PCDH7: variants seen among roughly 807,000 people sequenced by gnomAD.
PCDH7 encodes protocadherin-7.
A neutral mutation model predicts 58.9 loss-of-function variants in PCDH7; 17 were observed. The ratio of observed to expected loss-of-function variants is 0.29; its 90% CI spans 0.20 to 0.43. The LOEUF is 0.43. Ranked by LOEUF, PCDH7 falls within the 20% of genes least tolerant of loss-of-function variation. PCDH7 has a pLI of 1.00. For missense variants in PCDH7, 1,274 were observed against 1,441.0 expected (o/e 0.88, Z 1.88); for synonymous variants, 664 against 616.4 (o/e 1.08, Z -1.14).
At chr4:30,823,961 C>T (rs971472725) in intron 1 of PCDH7, among the ~76,000 whole-genome samples, 1 of 152,042 alleles carries the variant, frequency 6.6e-6, no homozygotes, top group African/African-American at 2.4e-5. Context: ...GAATAAAGAA[C>T]CCAGAATCTG....
chr4:30,919,134 C>T (rs1056411105), intron 1 of PCDH7, among the ~76,000 whole-genome samples: 1 of 152,100 alleles, frequency 6.6e-6, no homozygotes, highest in African/African-American at 2.4e-5. Context: ...ATGTACACTT[C>T]TGACATTTTC....
intron 1 of PCDH7, among the ~76,000 whole-genome samples, chr4:30,836,241 A>T (rs1031557706): frequency 6.6e-6 from 1 of 152,222 alleles, no homozygotes; most frequent in Non-Finnish European, 1.5e-5. Flanking sequence ...AATAAACAAG[A>T]TAAATAAGAT....
chr4:30,951,441 A>G (rs1578397621), intron 3 of PCDH7, among the ~76,000 whole-genome samples: 1 of 152,166 alleles, frequency 6.6e-6, no homozygotes, highest in Middle Eastern at 3.4e-3. Flanking sequence ...ACTTCTACCC[A>G]TATTCCTTGC....
At chr4:31,094,482 G>A (rs1012742351) in intron 3 of PCDH7, among the ~76,000 whole-genome samples, 3 of 152,132 alleles carry the variant, frequency 2.0e-5, no homozygotes, top group African/African-American at 7.2e-5. Context: ...TGGATTGTAA[G>A]GAGAAATGTT....
rs571879673 is a variant in PCDH7, at chr4:31,012,528, A to G, written c.*7+62313A>G. Reference sequence around the variant, plus strand: ...AAGGTACTCAATACATTTTGTACCAATGAGGCATAAAAATCTACATTTTAT... The same window carrying G: ...AAGGTACTCAATACATTTTGTACCAGTGAGGCATAAAAATCTACATTTTAT... On this transcript the variant is annotated intron_variant, in intron 3 of 3. Coordinates refer to the PCDH7 transcript ENST00000509759. Among the ~76,000 whole-genome samples the G allele has an allele frequency of 1.0e-3, 158 of 150,666 alleles. 1 individual carries two copies. The highest frequency in any genetic ancestry group is 3.6e-3 in the African/African-American group (148 of 41,454).
chr4:30,917,582 T>G (rs1742637834), intron 1 of PCDH7, among the ~76,000 whole-genome samples: 1 of 151,918 alleles, frequency 6.6e-6, no homozygotes, highest in African/African-American at 2.4e-5. Context: ...AAGAAAGAAT[T>G]GATGGATCTA....
chr4:30,920,976 T>C (rs1014416679), intron 2 of PCDH7, among the ~76,000 whole-genome samples: 1 of 152,100 alleles, frequency 6.6e-6, no homozygotes, highest in Non-Finnish European at 1.5e-5. Flanking sequence ...GGAAGGAAAA[T>C]AAATCATAAT....
At chr4:31,003,189 ATT>A (rs1258702534) in intron 3 of PCDH7, among the ~76,000 whole-genome samples, 1 of 152,048 alleles carries the variant, frequency 6.6e-6, no homozygotes, top group Non-Finnish European at 1.5e-5. Context: ...GCATACTTTC[ATT>A]TAAATATGTA....
intron 3 of PCDH7, among the ~76,000 whole-genome samples, chr4:30,998,088 T>C (rs184389230): frequency 6.6e-6 from 1 of 152,302 alleles, no homozygotes; most frequent in Admixed American, 6.5e-5. Context: ...GAATATGACT[T>C]TTGAAATAGA....
At chr4:30,961,500 C>T (rs924285445) in intron 3 of PCDH7, among the ~76,000 whole-genome samples, 2 of 151,532 alleles carry the variant, frequency 1.3e-5, no homozygotes, top group Non-Finnish European at 2.9e-5. Flanking sequence ...TGCAGTGAGC[C>T]GAGATCGTGC....
At chr4:30,763,651 GT>G (rs913043196) in intron 1 of PCDH7, among the ~76,000 whole-genome samples, 14 of 152,208 alleles carry the variant, frequency 9.2e-5, no homozygotes, top group African/African-American at 2.9e-4. Flanking sequence ...TTCAGGATCC[GT>G]TTTGTTTTTG....
chr4:31,020,942 A>ATT (rs1221749929), intron 3 of PCDH7, among the ~76,000 whole-genome samples: 1 of 152,078 alleles, frequency 6.6e-6, no homozygotes. Context: ...CGTTTTCTTT[A>ATT]TTTTGCCTTC....
chr4:30,857,815 T>C (rs953128045), intron 1 of PCDH7, among the ~76,000 whole-genome samples: 1 of 152,186 alleles, frequency 6.6e-6, no homozygotes, highest in Non-Finnish European at 1.5e-5. Context: ...TCGTTTCTCC[T>C]TTGTTTATGT....
intron 1 of PCDH7, among the ~76,000 whole-genome samples, chr4:30,768,823 C>T (rs1379832730): frequency 6.6e-6 from 1 of 152,112 alleles, no homozygotes; most frequent in African/African-American, 2.4e-5. Context: ...AAGTAAGGAC[C>T]AACAGATGAT....
At chr4:30,788,314 A>G (rs372490845) in intron 1 of PCDH7, among the ~76,000 whole-genome samples, 2 of 152,228 alleles carry the variant, frequency 1.3e-5, no homozygotes, top group South Asian at 2.1e-4. Flanking sequence ...ATGTGCCATA[A>G]TAATTTTGAA....
intron 1 of PCDH7, among the ~76,000 whole-genome samples, chr4:30,915,124 T>C (rs1250842933): frequency 6.6e-6 from 1 of 152,204 alleles, no homozygotes; most frequent in African/African-American, 2.4e-5. Context: ...CAAATGTTTA[T>C]TTTAAAGCAA....
intron 1 of PCDH7, among the ~76,000 whole-genome samples, chr4:30,797,106 G>A (rs1186434203): frequency 4.0e-5 from 6 of 151,874 alleles, no homozygotes; most frequent in East Asian, 1.9e-4. Context: ...GACTACAGGC[G>A]CATGCCACCA....
At chr4:31,019,882 G>A (rs1195384261) in intron 3 of PCDH7, among the ~76,000 whole-genome samples, 2 of 151,950 alleles carry the variant, frequency 1.3e-5, no homozygotes, top group Admixed American at 6.6e-5. Context: ...TATGCTAGGA[G>A]TGGGGAGCTG....
At chr4:30,830,595 T>C (rs982289938) in intron 1 of PCDH7, among the ~76,000 whole-genome samples, 9 of 152,116 alleles carry the variant, frequency 5.9e-5, no homozygotes, top group African/African-American at 2.2e-4. Context: ...TTTCTTCATT[T>C]ATCTTGACTC....
Sources: gnomAD v4.1 joint callset for allele counts (sites outside exome capture counted in the v4.1 genomes callset) on GRCh38, gnomAD v4.1.1 for gene constraint, MANE v1.5 for transcripts, NCBI Gene and HGNC (gene_info 2026-07-23, HGNC 2026-07-21) for gene names.